Variants in SRRM1 observed in about 807,000 individuals in gnomAD.
The protein encoded by SRRM1 is serine and arginine repetitive matrix 1, also known as serine/arginine repetitive matrix protein 1.
A neutral mutation model predicts 110.2 loss-of-function variants in SRRM1; 19 were observed. The ratio of observed to expected loss-of-function variants is 0.17; its 90% CI spans 0.12 to 0.25. The LOEUF is 0.25. Among genes scored for constraint, SRRM1 ranks in the 10% least tolerant of loss-of-function variants. The pLI, the probability that SRRM1 is intolerant of heterozygous loss-of-function variation, is 1.00. For missense variants in SRRM1, 918 were observed against 1,145.8 expected (o/e 0.80, Z 2.87); for synonymous variants, 443 against 414.9 (o/e 1.07, Z -0.82).
chr1:24,669,713 C>A (rs553888870), intron 14 of SRRM1, 126 bp downstream of exon 14: 2 of 773,884 alleles, frequency 2.6e-6, no homozygotes, highest in Admixed American at 2.9e-5. Flanking sequence ...ACTTGAGGTA[C>A]TATTTACAGA....
chr1:24,652,029 A>AATAT (rs1215778545), intron 6 of SRRM1, among the ~76,000 whole-genome samples: 3,294 of 79,752 alleles, frequency 0.041, 216 homozygotes, highest in East Asian at 0.12. Context: ...CTGTACTAAA[A>AATAT]ATATATATAT....
intron 15 of SRRM1, 90 bp from the exon 16 acceptor site, chr1:24,671,296 T>G: frequency 3.4e-5 from 43 of 1,268,438 alleles, no homozygotes; most frequent in Non-Finnish European, 4.0e-5. Flanking sequence ...GATTTGTCCA[T>G]TGGGGATTTG....
intron 8 of SRRM1, among the ~76,000 whole-genome samples, chr1:24,654,079 A>G (rs774312798): frequency 9.9e-5 from 15 of 152,184 alleles, no homozygotes; most frequent in Non-Finnish European, 1.8e-4. Flanking sequence ...TGGTCAGTCA[A>G]TTTTCAGGCA....
At chr1:24,671,718 C>T in intron 16 of SRRM1, 123 bp downstream of exon 16, 3 of 827,458 alleles carry the variant, frequency 3.6e-6, no homozygotes, top group Admixed American at 2.8e-5. Flanking sequence ...AGATAAAAGT[C>T]ACGTACCATA....
intron 15 of SRRM1, 44 bp from the exon 16 acceptor site, chr1:24,671,342 C>G (rs1040558575): frequency 2.0e-6 from 3 of 1,503,704 alleles, no homozygotes; most frequent in Non-Finnish European, 2.7e-6. Context: ...GAATATTAAT[C>G]AGATTGATTA....
At chr1:24,643,497 G>T (rs1368148513) in intron 1 of SRRM1, 150 bp downstream of exon 1, 1 of 470,638 alleles carries the variant, frequency 2.1e-6, no homozygotes, top group South Asian at 3.8e-5. Flanking sequence ...CCCCCCCCCC[G>T]TGCGCTGCGG....
chr1:24,664,981 G>A (rs1229357043), intron 12 of SRRM1, among the ~76,000 whole-genome samples: 1 of 151,156 alleles, frequency 6.6e-6, no homozygotes, highest in Non-Finnish European at 1.5e-5. Flanking sequence ...ACTCCAGGAT[G>A]TTTTTGTTTT....
In SRRM1 at chr1:24,663,294, G is replaced by A. The variant is rs963698585; in HGVS notation, c.1628+490G>A. The A allele has an allele frequency of 1.3e-5, 16 of 1,219,754 alleles. No individual in the cohort carries two copies. The African/African-American group carries it at 2.3e-4, about 17-fold the overall frequency. 75.6% of individuals were successfully genotyped at this position (1,219,754 alleles called of 1,614,324 possible). A position where few individuals can be genotyped will look rare whatever the true frequency, so the allele number is the denominator to read the frequency against. ...TTGTAGTGACTTAATTTCCTATTTA[G>A]GTGACCTCATCTCATTCTTAAATAT... On this transcript the variant is annotated intron_variant, in intron 12 of 16. Transcript: ENST00000323848.
At chr1:24,654,168 CT>C (rs1018483861) in intron 8 of SRRM1, 27 of 515,518 alleles carry the variant, frequency 5.2e-5, no homozygotes, top group African/African-American at 2.6e-4. Flanking sequence ...ACAGCTATTT[CT>C]TATACTGGAG....
At chr1:24,647,631 T>C (rs1658334110) in intron 3 of SRRM1, 1 of 152,654 alleles carries the variant, frequency 6.6e-6, no homozygotes, top group Admixed American at 6.5e-5. Context: ...TGAATTTACT[T>C]TTACATTAAT....
chr1:24,650,219 G>A (rs1659839264), intron 5 of SRRM1, 133 bp downstream of exon 5: 2 of 804,660 alleles, frequency 2.5e-6, no homozygotes, highest in Non-Finnish European at 3.5e-6. Flanking sequence ...GGTGACCTGT[G>A]CCTTGCCTCT....
At position 24,651,609 on chromosome 1, in the gene SRRM1, C is replaced by G. The variant is rs1660700668; in HGVS notation, c.722C>G (p.Thr241Ser). The G allele has an allele frequency of 6.2e-7, 1 of 1,603,394 alleles. No individual in the cohort carries two copies. Among genetic ancestry groups the G allele is most frequent in the African/African-American group, 1.3e-5 (1 of 74,428 alleles). ...CCTTCAGTACAAGAGGCTACTTCTACTAGGCAAGTATATAAAAATTCATTT... is the reference window on the plus strand; with the variant it reads ...CCTTCAGTACAAGAGGCTACTTCTAGTAGGCAAGTATATAAAAATTCATTT... The part of the protein sequence containing the change: ...KEPSVQEATS[T>S]SDILKVPKPE... Residue 241 changes from threonine (T) to serine (S), a missense_variant, in exon 6 of 17, where the codon ACT becomes AGT. Transcript: ENST00000323848.
At position 24,671,366 on chromosome 1, in the gene SRRM1, T is replaced by G. The variant is rs145502946; in HGVS notation, c.2401-20T>G. 5.7e-6 allele frequency: 9 copies of G among 1,578,694 alleles called. No individual in the cohort carries two copies. In the Admixed American group the frequency reaches 9.7e-5, roughly 17 times the overall value. On this transcript the variant is annotated intron_variant, in intron 15 of 16. Coordinates refer to ENST00000323848, the MANE Select transcript of SRRM1 (RefSeq NM_005839.4). The stretch of plus-strand genomic sequence containing the variant: ...TCAGATTGATTATAAATGCTGGGTG[T>G]TGTTTTTTTTTCTTCCTAGAATTCA...
chr1:24,655,448 A>G (rs889083056), intron 9 of SRRM1, among the ~76,000 whole-genome samples: 10 of 152,158 alleles, frequency 6.6e-5, no homozygotes, highest in Non-Finnish European at 1.3e-4. Flanking sequence ...TTTTATTACT[A>G]TGAGACCAGT....
chr1:24,669,506 C>T lies in SRRM1; in HGVS notation c.2123C>T (p.Pro708Leu). The T allele has an allele frequency of 1.2e-6, 2 of 1,611,648 alleles. No individual in the cohort carries two copies. Among genetic ancestry groups the T allele is most frequent in the Non-Finnish European group, 1.7e-6 (2 of 1,178,910 alleles). The stretch of plus-strand genomic sequence containing the variant: ...GTTCGAAGAGGAGCGTCGTCATCAC[C>T]CCAAAGAAGGCAGTCCCCGTCTCCA... ...PPVRRGASSS[P>L]QRRQSPSPST... The change falls in exon 14 of 17, where the codon CCC (proline) becomes CTC (leucine). Residue 708 changes from proline (P) to leucine (L), a missense_variant. Physicochemically the swap from Pro to Leu is moderately conservative, Grantham distance 98 (BLOSUM62 -3). This residue lies in a region of SRRM1 where 357 missense variants were observed against 402.9 expected (regional missense o/e 0.89). Coordinates refer to ENST00000323848, the MANE Select transcript of SRRM1 (RefSeq NM_005839.4).
Position 24,650,114 on chromosome 1 carries a change from G to T in SRRM1, c.521+28G>T, listed in dbSNP as rs758964898. The T allele has an allele frequency of 9.4e-6, 14 of 1,497,022 alleles. No homozygotes were observed. The African/African-American group carries it at 1.7e-4, about 18-fold the overall frequency. The allele number at this position is 1,497,022 out of a possible 1,614,324, so 92.7% of individuals were successfully genotyped here. A position where few individuals can be genotyped will look rare whatever the true frequency, so the allele number is the denominator to read the frequency against. On this transcript the variant is annotated intron_variant, in intron 5 of 16. Transcript: ENST00000323848. ...ATCATACAATAGATGCATAACTGAT[G>T]TTTTACAGGTACTTTAGGTCTTAAG... is the stretch of plus-strand genomic sequence containing the variant.
chr1:24,670,846 ATAT>A (rs956476618), intron 15 of SRRM1, among the ~76,000 whole-genome samples: 31 of 152,290 alleles, frequency 2.0e-4, no homozygotes, highest in Admixed American at 7.8e-4. Context: ...TGAAATTGAA[ATAT>A]TATGGATTAA....
chr1:24,671,528 C>T lies in SRRM1; in HGVS notation c.2543C>T (p.Ala848Val). The change falls in exon 16 of 17, where the codon GCA (alanine) becomes GTA (valine). Residue 848 changes from alanine to valine, a missense_variant. This residue lies in a region of SRRM1 where 62 missense variants were observed against 127.6 expected (regional missense o/e 0.49). Transcript: ENST00000323848. ...AAAAAAAVTP[A>V]AIAAATTTLA... ...GCTGCTGCAGCTGCTGTGACCCCTG[C>T]AGCCATTGCAGCTGCCACAACCACA... The T allele has an allele frequency of 6.2e-7, 1 of 1,609,058 alleles. No homozygotes were observed. The highest frequency in any genetic ancestry group is 8.5e-7 in the Non-Finnish European group (1 of 1,178,716).
chr1:24,660,804 G>T lies in SRRM1; in HGVS notation c.1396+5G>T. On this transcript the variant is annotated splice_donor_5th_base_variant and intron_variant, in intron 10 of 16. Transcript: ENST00000323848. ...AAGTAGAGTTATCTGAATCGGGTAA[G>T]TTTGTTGTTTTTTTTTGTGATTTTG... The T allele has an allele frequency of 6.4e-7, 1 of 1,568,564 alleles. No homozygotes were observed. The highest frequency in any genetic ancestry group is 8.6e-7 in the Non-Finnish European group (1 of 1,160,702).
Sources: gnomAD v4.1 joint callset for allele counts (sites outside exome capture counted in the v4.1 genomes callset) on GRCh38, gnomAD v4.1.1 for gene constraint, gnomAD v4.1.1 regional missense constraint, MANE v1.5 for transcripts, NCBI Gene and HGNC (gene_info 2026-07-23, HGNC 2026-07-21) for gene names.